Variants in CHST11 observed in about 807,000 individuals in gnomAD.
The protein encoded by CHST11 is carbohydrate sulfotransferase 11, also known as C4S-1.
A neutral mutation model predicts 30.4 loss-of-function variants in CHST11; 9 were observed. The observed-to-expected ratio is 0.30, with a 90% CI of 0.18 to 0.52. CHST11 has a LOEUF of 0.52. Ranked by LOEUF, CHST11 falls within the 20% of genes least tolerant of loss-of-function variation. The pLI, the probability that CHST11 is intolerant of heterozygous loss-of-function variation, is 0.97. For missense variants in CHST11, 348 were observed against 460.6 expected (o/e 0.76, Z 2.24); for synonymous variants, 152 against 187.8 (o/e 0.81, Z 1.56).
intron 2 of CHST11, among the ~76,000 whole-genome samples, chr12:104,753,979 C>T (rs571309900): frequency 1.4e-4 from 21 of 152,352 alleles, no homozygotes; most frequent in South Asian, 8.3e-4. Context: ...TAATAACATG[C>T]AAACTGGATC....
rs931356923 is a variant in CHST11 at position 104,761,100 on chromosome 12, C to G, written c.*3297C>G. On this transcript the variant is annotated 3_prime_UTR_variant, in exon 3 of 3. Transcript: ENST00000303694. ...GGAAAGCTCTAGATGATTCCCGCAG[C>G]TCCTCCAGACCCCGCCTCCCTGCCC... 6.6e-6 allele frequency: 1 copy of G among 152,244 alleles called. No individual in the cohort carries two copies. Among genetic ancestry groups the G allele is most frequent in the African/African-American group, 2.4e-5 (1 of 41,434 alleles). 9.4% of individuals were successfully genotyped at this position (152,244 alleles called of 1,614,324 possible). A position where few individuals can be genotyped will look rare whatever the true frequency, so the allele number is the denominator to read the frequency against.
chr12:104,747,469 T>C (rs896720368), intron 2 of CHST11, among the ~76,000 whole-genome samples: 3 of 152,132 alleles, frequency 2.0e-5, no homozygotes, highest in Non-Finnish European at 4.4e-5. Context: ...TATGTGACCC[T>C]TTTTTTGCTG....
At chr12:104,487,057 CTTTATAAAT>C (rs2037686801) in intron 1 of CHST11, among the ~76,000 whole-genome samples, 1 of 152,172 alleles carries the variant, frequency 6.6e-6, no homozygotes, top group Non-Finnish European at 1.5e-5. Context: ...ATACAGTAGA[CTTTATAAAT>C]GAAGAACACA....
intron 2 of CHST11, among the ~76,000 whole-genome samples, chr12:104,755,101 A>T (rs1032986550): frequency 1.3e-5 from 2 of 152,182 alleles, no homozygotes; most frequent in African/African-American, 4.8e-5. Context: ...CAAACTCATC[A>T]GTGGCCCTAC....
intron 2 of CHST11, among the ~76,000 whole-genome samples, chr12:104,602,477 A>G (rs2038966608): frequency 6.6e-6 from 1 of 152,126 alleles, no homozygotes; most frequent in Non-Finnish European, 1.5e-5. Context: ...AGTAAATCTA[A>G]CTCGTTAGTT....
intron 1 of CHST11, among the ~76,000 whole-genome samples, chr12:104,461,709 G>C (rs2037409566): frequency 6.6e-6 from 1 of 151,988 alleles, no homozygotes; most frequent in South Asian, 2.1e-4. Flanking sequence ...TGTCACCTGG[G>C]ATTTCTTTGC....
intron 1 of CHST11, among the ~76,000 whole-genome samples, chr12:104,484,359 T>A (rs1438231128): frequency 6.6e-6 from 1 of 152,100 alleles, no homozygotes; most frequent in Non-Finnish European, 1.5e-5. Context: ...AGAACCCCAG[T>A]TAACCCAGAA....
rs192242351 is a variant in CHST11 at position 104,587,391 on chromosome 12, A to T, written c.119-14515A>T. The stretch of plus-strand genomic sequence containing the variant: ...TTGCCCAATTAATGAACAAGCATTT[A>T]TTTATTCATTTGTTTATTTATTTTG... On this transcript the variant is annotated intron_variant, in intron 1 of 2. Coordinates refer to ENST00000303694, the MANE Select transcript of CHST11 (RefSeq NM_018413.6). 2.2e-3 allele frequency among the ~76,000 whole-genome samples: 331 copies of T among 152,292 alleles called. 3 individuals carry two copies. Among genetic ancestry groups the T allele is most frequent in the African/African-American group, 7.7e-3 (320 of 41,574 alleles).
intron 2 of CHST11, among the ~76,000 whole-genome samples, chr12:104,702,567 C>T (rs1202010212): frequency 1.3e-5 from 2 of 152,042 alleles, no homozygotes; most frequent in Admixed American, 6.5e-5. Flanking sequence ...GAGGACTGCA[C>T]CCAGCTGATT....
At chr12:104,510,834 G>T (rs2135981157) in intron 1 of CHST11, among the ~76,000 whole-genome samples, 1 of 152,020 alleles carries the variant, frequency 6.6e-6, no homozygotes, top group Non-Finnish European at 1.5e-5. Flanking sequence ...TTTAAGAGAG[G>T]AGTCAACAAC....
intron 1 of CHST11, among the ~76,000 whole-genome samples, chr12:104,497,909 C>CTTTTTTTTTTTTT (rs1205174607): frequency 1.3e-5 from 1 of 75,676 alleles, no homozygotes; most frequent in Admixed American, 1.9e-4. Flanking sequence ...CCTGCCCCCT[C>CTTTTTTTTTTTTT]TTTTTTTTTT....
chr12:104,666,637 T>C (rs1357718001), intron 2 of CHST11, among the ~76,000 whole-genome samples: 1 of 152,154 alleles, frequency 6.6e-6, no homozygotes, highest in Non-Finnish European at 1.5e-5. Flanking sequence ...TATCCAAGGC[T>C]CCACATGCCT....
intron 2 of CHST11, among the ~76,000 whole-genome samples, chr12:104,664,493 C>T (rs2039625201): frequency 6.6e-6 from 1 of 152,134 alleles, no homozygotes. Flanking sequence ...TAACACACAG[C>T]CCAGCCCAGC....
chr12:104,483,100 A>C (rs946863662), intron 1 of CHST11, among the ~76,000 whole-genome samples: 1 of 151,774 alleles, frequency 6.6e-6, no homozygotes, highest in African/African-American at 2.4e-5. Flanking sequence ...CCAAAACTGG[A>C]CTCCTGCATC....
intron 1 of CHST11, among the ~76,000 whole-genome samples, chr12:104,558,581 C>T (rs1050660793): frequency 4.1e-5 from 6 of 146,562 alleles, no homozygotes; most frequent in Non-Finnish European, 7.5e-5. Context: ...TCTTGTCCCC[C>T]AGGCTGCAGT....
intron 1 of CHST11, among the ~76,000 whole-genome samples, chr12:104,543,330 G>A (rs1050358239): frequency 3.9e-5 from 6 of 152,310 alleles, no homozygotes; most frequent in South Asian, 2.1e-4. Context: ...AACATTAGAC[G>A]TCACATTTCA....
intron 1 of CHST11, among the ~76,000 whole-genome samples, chr12:104,522,651 T>C (rs773414992): frequency 1.3e-5 from 2 of 152,170 alleles, no homozygotes; most frequent in Non-Finnish European, 2.9e-5. Flanking sequence ...AATATTTTTG[T>C]AGACGTGGCG....
rs1401653771 is a variant in CHST11 at position 104,758,355 on chromosome 12, C to T, written c.*552C>T. On this transcript the variant is annotated 3_prime_UTR_variant, in exon 3 of 3. Coordinates refer to ENST00000303694, the MANE Select transcript of CHST11 (RefSeq NM_018413.6). ...GAGTCATCTTTGCAAGGGACTCATT[C>T]CAAACCAATTCCAATCGACCTGAAA... 6.6e-6 allele frequency: 1 copy of T among 152,260 alleles called. No individual in the cohort carries two copies. The highest frequency in any genetic ancestry group is 2.4e-5 in the African/African-American group (1 of 41,420). The allele number at this position is 152,260 out of a possible 1,614,324, so 9.4% of individuals were successfully genotyped here.
At position 104,475,689 on chromosome 12, in the gene CHST11, T is replaced by TATATATATATATATATATAA. The variant is rs1232136682; in HGVS notation, c.118+18162_118+18163insATATATATATATATATAAAT. On this transcript the variant is annotated intron_variant, in intron 1 of 2. Coordinates refer to ENST00000303694, the MANE Select transcript of CHST11 (RefSeq NM_018413.6). ...ATATATATATATATATATATATATATATTTCTGATTATGAAATTAATTCAA... is the reference window on the plus strand; with the variant it reads ...ATATATATATATATATATATATATATATATATATATATATATATAAATTTCTGATTATGAAATTAATTCAA... Among the ~76,000 whole-genome samples, 66 of 77,542 alleles carry TATATATATATATATATATAA rather than the reference T, an allele frequency of 8.5e-4. 1 individual carries two copies. The highest frequency in any genetic ancestry group is 2.4e-3 in the African/African-American group (66 of 27,884). 50.9% of individuals were successfully genotyped at this position (77,542 alleles called of 152,430 possible). A position where few individuals can be genotyped will look rare whatever the true frequency, so the allele number is the denominator to read the frequency against.
Sources: gnomAD v4.1 joint callset for allele counts (sites outside exome capture counted in the v4.1 genomes callset) on GRCh38, gnomAD v4.1.1 for gene constraint, MANE v1.5 for transcripts, NCBI Gene and HGNC (gene_info 2026-07-23, HGNC 2026-07-21) for gene names.